FNBP1L: variants seen among roughly 807,000 people sequenced by gnomAD.
FNBP1L encodes formin binding protein 1 like.
In FNBP1L, 36 loss-of-function variants were observed where a neutral mutation model predicts 91.2. The observed-to-expected ratio is 0.39, with a 90% confidence interval of 0.30 to 0.52. FNBP1L has a LOEUF of 0.52. FNBP1L is among the 20% of genes least tolerant of loss of function. The probability of loss-of-function intolerance (pLI) is 0.66; values close to 1 mark genes in which losing one functional copy is unlikely to be tolerated. For synonymous variants in FNBP1L, 242 were observed against 237.0 expected (o/e 1.02, Z -0.19); for missense variants, 571 against 732.1 (o/e 0.78, Z 2.54).
chr1:93,495,246 A>G (rs181608914), intron 1 of FNBP1L, among the ~76,000 whole-genome samples: 2 of 152,374 alleles, frequency 1.3e-5, no homozygotes, highest in Admixed American at 6.5e-5. Context: ...GAAGTTTCCA[A>G]CATTTCTCAG....
chr1:93,544,564 AT>A (rs1427318585), intron 12 of FNBP1L, among the ~76,000 whole-genome samples: 1 of 152,132 alleles, frequency 6.6e-6, no homozygotes, highest in Non-Finnish European at 1.5e-5. Flanking sequence ...ACCTGAGGCT[AT>A]TTTGTAGCAA....
At chr1:93,478,991 A>G (rs1483864294) in intron 1 of FNBP1L, among the ~76,000 whole-genome samples, 3 of 152,234 alleles carry the variant, frequency 2.0e-5, no homozygotes. Flanking sequence ...CAAAATTTGT[A>G]CATCAAAATT....
intron 1 of FNBP1L, among the ~76,000 whole-genome samples, chr1:93,481,335 T>A (rs1021862572): frequency 6.6e-6 from 1 of 152,226 alleles, no homozygotes; most frequent in African/African-American, 2.4e-5. Flanking sequence ...ATACCCAATC[T>A]TTATTATCAC....
In FNBP1L at chr1:93,531,882, A is replaced by G. The variant is rs143498083; in HGVS notation, c.639+999A>G. On this transcript the variant is annotated intron_variant, in intron 7 of 16. Coordinates refer to ENST00000271234, the MANE Select transcript of FNBP1L (RefSeq NM_001164473.3). ...GAGACAAGGAGTGTAACTGCTGTCAATGAAACAGCAAGGTCAGTGCTGGCA... is the reference window on the plus strand; with the variant it reads ...GAGACAAGGAGTGTAACTGCTGTCAGTGAAACAGCAAGGTCAGTGCTGGCA... Among the ~76,000 whole-genome samples the G allele has an allele frequency of 2.1e-3, 313 of 152,304 alleles. 1 individual carries two copies. Among genetic ancestry groups the G allele is most frequent in the African/African-American group, 7.3e-3 (305 of 41,568 alleles).
chr1:93,476,804 G>A (rs1007751426), intron 1 of FNBP1L, among the ~76,000 whole-genome samples: 1 of 152,132 alleles, frequency 6.6e-6, no homozygotes, highest in Non-Finnish European at 1.5e-5. Flanking sequence ...AAAATCCATT[G>A]TAGCCAGAGC....
rs772744336 is a variant in FNBP1L, at chr1:93,549,178, T to C, written c.1503-100T>C. 6.7e-4 allele frequency: 594 copies of C among 886,956 alleles called. 2 individuals are homozygous for C. Among genetic ancestry groups the C allele is most frequent in the Non-Finnish European group, 8.6e-4 (548 of 637,034 alleles). The allele number at this position is 886,956 out of a possible 1,614,324, so 54.9% of individuals were successfully genotyped here. A position where few individuals can be genotyped will look rare whatever the true frequency, so the allele number is the denominator to read the frequency against. On this transcript the variant is annotated intron_variant, in intron 14 of 16. Transcript: ENST00000271234. ...TTAAGTGGAAACTGTGTCATTAATA[T>C]TTAATTTTTGGAATTGATCCTGAGG...
rs865801700 is a variant in FNBP1L, at chr1:93,511,391, A to G, written c.141-10691A>G. Among the ~76,000 whole-genome samples, 185 of 152,312 alleles carry G rather than the reference A, an allele frequency of 1.2e-3. 1 individual carries two copies. The Middle Eastern group carries it at 0.017, about 14-fold the overall frequency. ...GTGAAGGAGAAATAAAATCCTTTAC[A>G]GACAAGCAAATGCTGAGAGATTTTG... On this transcript the variant is annotated intron_variant, in intron 2 of 16. Transcript: ENST00000271234.
chr1:93,544,029 CTTATT>C (rs1672134941), intron 11 of FNBP1L, 73 bp from the exon 12 acceptor site: 1 of 1,023,914 alleles, frequency 9.8e-7, no homozygotes, highest in Non-Finnish European at 1.4e-6. Context: ...GGTATGTATT[CTTATT>C]TTATAGCAGG....
At chr1:93,503,144 T>A (rs1380127685) in intron 2 of FNBP1L, among the ~76,000 whole-genome samples, 1 of 152,178 alleles carries the variant, frequency 6.6e-6, no homozygotes, top group African/African-American at 2.4e-5. Flanking sequence ...ACTGGGTAAT[T>A]TATAAGGGAA....
intron 4 of FNBP1L, 144 bp from the exon 5 acceptor site, chr1:93,524,117 A>G (rs1671422632): frequency 1.8e-6 from 1 of 554,444 alleles, no homozygotes; most frequent in African/African-American, 2.0e-5. Flanking sequence ...AGTCTTGGTA[A>G]AGTTATATAA....
intron 2 of FNBP1L, among the ~76,000 whole-genome samples, chr1:93,509,244 G>T (rs1389519196): frequency 6.6e-6 from 1 of 152,162 alleles, no homozygotes; most frequent in Non-Finnish European, 1.5e-5. Flanking sequence ...TACAAGTTCA[G>T]ACAGTCCATG....
intron 5 of FNBP1L, among the ~76,000 whole-genome samples, chr1:93,527,659 C>G (rs988104681): frequency 3.2e-4 from 48 of 152,138 alleles, no homozygotes; most frequent in African/African-American, 1.1e-3. Flanking sequence ...GGCCATGTCA[C>G]CCTAGAGGAA....
At chr1:93,477,048 CAGTGCCCGTAATATT>C (rs1669521318) in intron 1 of FNBP1L, among the ~76,000 whole-genome samples, 1 of 152,138 alleles carries the variant, frequency 6.6e-6, no homozygotes. Context: ...GATACAGAAT[CAGTGCCCGTAATATT>C]TGTACCATAT....
chr1:93,512,542 T>C (rs1670895864), intron 2 of FNBP1L, among the ~76,000 whole-genome samples: 1 of 151,812 alleles, frequency 6.6e-6, no homozygotes, highest in Non-Finnish European at 1.5e-5. Context: ...CCTCAGCAAA[T>C]GTAAAAGAAC....
At chr1:93,536,041 T>G (rs1044871857) in intron 9 of FNBP1L, among the ~76,000 whole-genome samples, 4 of 152,078 alleles carry the variant, frequency 2.6e-5, no homozygotes, top group African/African-American at 9.7e-5. Flanking sequence ...GAAGAGAATT[T>G]TAAAATCTAG....
In FNBP1L at chr1:93,552,640, A is replaced by G. The variant is rs1672449306; in HGVS notation, c.*224A>G. On this transcript the variant is annotated 3_prime_UTR_variant, in exon 17 of 17. Coordinates refer to ENST00000271234, the MANE Select transcript of FNBP1L (RefSeq NM_001164473.3). ...GTTCCTAGTTCACAGTTATTCCCAC[A>G]AAAGAAAAAGCCAACAATAGTGTAC... The G allele has an allele frequency of 1.6e-5, 7 of 428,278 alleles. No homozygotes were observed. In the South Asian group the frequency reaches 6.3e-4, roughly 39 times the overall value. 26.5% of individuals were successfully genotyped at this position (428,278 alleles called of 1,614,324 possible).
At chr1:93,455,498 A>G (rs895164691) in intron 1 of FNBP1L, among the ~76,000 whole-genome samples, 1 of 152,226 alleles carries the variant, frequency 6.6e-6, no homozygotes. Context: ...TCTATGCCAC[A>G]TGCCATTTTA....
chr1:93,468,998 GAT>G (rs1251788203), intron 1 of FNBP1L, among the ~76,000 whole-genome samples: 1 of 151,914 alleles, frequency 6.6e-6, no homozygotes, highest in African/African-American at 2.4e-5. Flanking sequence ...ACATTTACTT[GAT>G]GACAAATAAT....
chr1:93,491,385 CT>C (rs1013207163), intron 1 of FNBP1L, among the ~76,000 whole-genome samples: 1,468 of 145,794 alleles, frequency 0.01, 25 homozygotes, highest in African/African-American at 0.034. Context: ...GGCTGAATGA[CT>C]TTTTTTTTTT....
Sources: gnomAD v4.1 joint callset for allele counts (sites outside exome capture counted in the v4.1 genomes callset) on GRCh38, gnomAD v4.1.1 for gene constraint, MANE v1.5 for transcripts, NCBI Gene and HGNC (gene_info 2026-07-23, HGNC 2026-07-21) for gene names.